The following ENO2 variants were observed in gnomAD, a reference collection of about 807,000 sequenced individuals.
ENO2 encodes enolase 2.
A neutral mutation model predicts 48.7 loss-of-function variants in ENO2; 19 were observed. That is an observed-to-expected ratio of 0.39 (90% CI 0.27 to 0.57). The LOEUF (loss-of-function observed/expected upper bound fraction) is 0.57. Ranked by LOEUF, ENO2 falls within the 20% of genes least tolerant of loss-of-function variation. The pLI is 0.58. For missense variants in ENO2, 416 were observed against 555.0 expected (o/e 0.75, Z 2.52); for synonymous variants, 198 against 213.4 (o/e 0.93, Z 0.63).
In ENO2 at chr12:6,916,976, G is replaced by C; in HGVS notation, c.241-62G>C. On this transcript the variant is annotated intron_variant, in intron 4 of 11. Coordinates refer to ENST00000229277, the MANE Select transcript of ENO2 (RefSeq NM_001975.3). The surrounding 1 kb of genome is among the most constrained non-coding windows in gnomAD (Gnocchi z 4.5). ...ATGTGAGCTTGGGTGTGAATGAGGG[G>C]ACCCTCTGCCTTAGGGCTCAGCCTC... 1 of 1,605,888 alleles carries C rather than the reference G, an allele frequency of 6.2e-7. No individual in the cohort carries two copies. Among genetic ancestry groups the C allele is most frequent in the Non-Finnish European group, 8.5e-7 (1 of 1,173,938 alleles).
Position 6,921,862 on chromosome 12 carries a change from C to A in ENO2, c.1067+80C>A. 1.9e-6 allele frequency: 3 copies of A among 1,567,082 alleles called. No homozygotes were observed. The Admixed American group carries it at 5.5e-5, about 29-fold the overall frequency. ...TGCAAGTGCTCCAGCCTAATTCTAC[C>A]CAGGGGTGCCAAAGAGAGCGGGGAA... On this transcript the variant is annotated intron_variant, in intron 9 of 11. Transcript: ENST00000229277.
intron 2 of ENO2, 29 bp downstream of exon 2, chr12:6,915,946 A>C: frequency 1.9e-6 from 3 of 1,611,630 alleles, no homozygotes; most frequent in Non-Finnish European, 2.5e-6. Flanking sequence ...GCCTTCCTAC[A>C]GCCCTAGCTT....
rs1555141939 is a variant in ENO2, at chr12:6,919,710, T to C, written c.812T>C (p.Ile271Thr). The change falls in exon 8 of 12, where the codon ATC becomes ACC. Residue 271 changes from isoleucine to threonine, a missense_variant. Ile to Thr is a moderately conservative substitution (Grantham distance 89). Coordinates refer to ENST00000229277, the MANE Select transcript of ENO2 (RefSeq NM_001975.3). ...FKSPTDPSRY[I>T]TGDQLGALYQ... ...TCTCCCACTGATCCTTCCCGATACA[T>C]CACTGGGGACCAGCTGGGGGCACTC... is the stretch of plus-strand genomic sequence containing the variant. The C allele has an allele frequency of 5.0e-6, 8 of 1,613,936 alleles. No homozygotes were observed. The highest frequency in any genetic ancestry group is 6.8e-6 in the Non-Finnish European group (8 of 1,180,028).
chr12:6,921,232 A>G (rs1591653835), intron 8 of ENO2, among the ~76,000 whole-genome samples: 1 of 152,288 alleles, frequency 6.6e-6, no homozygotes, highest in East Asian at 1.9e-4. Flanking sequence ...CATCTCTACA[A>G]AAATTTTAAA....
In ENO2 at chr12:6,922,103, G is replaced by A. The variant is rs1367609148; in HGVS notation, c.1115G>A (p.Arg372His). ...GGCTGGGGGGTCATGGTGAGTCATC[G>A]CTCAGGAGAGACTGAGGACACATTC... ...ENGWGVMVSH[R>H]SGETEDTFIA... The change falls in exon 10 of 12, where the codon CGC becomes CAC. Residue 372 changes from arginine (R) to histidine (H), a missense_variant. Arg to His is a conservative substitution (Grantham distance 29). Coordinates refer to ENST00000229277, the MANE Select transcript of ENO2 (RefSeq NM_001975.3). This position sits in a 1 kb window ranked among gnomAD's most constrained non-coding sequence, Gnocchi z 5.3. 3 of 1,614,124 alleles carry A rather than the reference G, an allele frequency of 1.9e-6. No individual in the cohort carries two copies. The highest frequency in any genetic ancestry group is 2.5e-6 in the Non-Finnish European group (3 of 1,180,020).
At chr12:6,919,838 G>A (rs1488329203) in intron 8 of ENO2, 75 bp downstream of exon 8, 2 of 1,529,686 alleles carry the variant, frequency 1.3e-6, no homozygotes, top group Non-Finnish European at 1.8e-6. Context: ...ACCTTATGGG[G>A]TGCTGACTCA....
At chr12:6,917,164 A>G (rs1945299352) in intron 5 of ENO2, 57 bp downstream of exon 5, 2 of 1,604,952 alleles carry the variant, frequency 1.2e-6, no homozygotes, top group East Asian at 2.2e-5. Context: ...CGTGGAGCAG[A>G]TAGAGAGCTG....
In ENO2 at chr12:6,916,296, T is replaced by C; in HGVS notation, c.86-121T>C. On this transcript the variant is annotated intron_variant, in intron 2 of 11. Coordinates refer to ENST00000229277, the MANE Select transcript of ENO2 (RefSeq NM_001975.3). The surrounding 1 kb of genome is among the most constrained non-coding windows in gnomAD (Gnocchi z 4.5). Reference sequence around the variant, plus strand: ...GTGTGGGGTGGGGGTGGGGGGATGTTAGGGAGCAGTGTGGGGAGAGAGCTA... The same window carrying C: ...GTGTGGGGTGGGGGTGGGGGGATGTCAGGGAGCAGTGTGGGGAGAGAGCTA... The C allele has an allele frequency of 4.8e-6, 4 of 832,136 alleles. No homozygotes were observed. Among genetic ancestry groups the C allele is most frequent in the Non-Finnish European group, 7.3e-6 (4 of 547,262 alleles). 51.5% of individuals were successfully genotyped at this position (832,136 alleles called of 1,614,324 possible).
rs781786493 is a variant in ENO2 at position 6,918,043 on chromosome 12, G to A, written c.548G>A (p.Arg183Gln). The A allele has an allele frequency of 5.0e-6, 8 of 1,614,118 alleles. No homozygotes were observed. The highest frequency in any genetic ancestry group is 3.3e-4 in the Middle Eastern group (2 of 6,062). Residue 183 changes from arginine to glutamine, a missense_variant, in exon 7 of 12, where the codon CGA becomes CAA. By Grantham distance (43) the Arg-to-Gln change is conservative. Transcript: ENST00000229277. ...GCTGAGAGCTTTCGGGATGCCATGCGACTAGGTGCAGAGGTCTACCATACA... is the reference window on the plus strand; with the variant it reads ...GCTGAGAGCTTTCGGGATGCCATGCAACTAGGTGCAGAGGTCTACCATACA... ...VGAESFRDAM[R>Q]LGAEVYHTLK...
Position 6,922,704 on chromosome 12 carries a change from A to G in ENO2, c.1236-27A>G. On this transcript the variant is annotated intron_variant, in intron 11 of 11. Transcript: ENST00000229277. This position sits in a 1 kb window ranked among gnomAD's most constrained non-coding sequence, Gnocchi z 5.3. ...GCAGGATCCTCCTGCATCCCTGACC[A>G]CTTCCTTTGTGGTTCATCTCTCTCA... The G allele has an allele frequency of 1.2e-6, 2 of 1,613,744 alleles. No individual in the cohort carries two copies. Among genetic ancestry groups the G allele is most frequent in the African/African-American group, 1.3e-5 (1 of 74,972 alleles).
rs370454404 is a variant in ENO2 at position 6,916,454 on chromosome 12, G to A, written c.123G>A (p.Thr41=). ...CTGCAGTGCCCAGTGGAGCCTCTAC[G>A]GGCATCTATGAGGCCCTGGAGCTGA... ...FRAAVPSGAS[T]GIYEALELRD... is the part of the protein sequence containing the mutation. The change falls in exon 3 of 12, where the codon ACG becomes ACA. Residue 41 remains threonine, a synonymous_variant. Coordinates refer to ENST00000229277, the MANE Select transcript of ENO2 (RefSeq NM_001975.3). This position sits in a 1 kb window ranked among gnomAD's most constrained non-coding sequence, Gnocchi z 4.5. 31 of 1,613,878 alleles carry A rather than the reference G, an allele frequency of 1.9e-5. No individual in the cohort carries two copies. The highest frequency in any genetic ancestry group is 4.0e-5 in the African/African-American group (3 of 74,892).
intron 1 of ENO2, 107 bp from the exon 2 acceptor site, chr12:6,915,714 A>G (rs1555141507): frequency 9.4e-6 from 2 of 213,894 alleles, no homozygotes; most frequent in South Asian, 4.8e-5. Flanking sequence ...CACCCACTGC[A>G]GTAACCTCTT....
In ENO2 at chr12:6,922,366, G is replaced by T; in HGVS notation, c.1199G>T (p.Arg400Leu). ...CAGATCAAGACTGGTGCCCCGTGCC[G>T]TTCTGAACGTCTGGCTAAATACAAC... Reference protein sequence around the residue: ...TGQIKTGAPCRSERLAKYNQL... With the variant: ...TGQIKTGAPCLSERLAKYNQL... The change falls in exon 11 of 12, where the codon CGT (arginine) becomes CTT (leucine). Residue 400 changes from arginine to leucine, a missense_variant. Transcript: ENST00000229277. This position sits in a 1 kb window ranked among gnomAD's most constrained non-coding sequence, Gnocchi z 5.3. 1 of 1,614,198 alleles carries T rather than the reference G, an allele frequency of 6.2e-7. No individual in the cohort carries two copies. The highest frequency in any genetic ancestry group is 1.1e-5 in the South Asian group (1 of 91,080).
chr12:6,915,343 G>T (rs1555141458), intron 1 of ENO2: 1 of 176,662 alleles, frequency 5.7e-6, no homozygotes, highest in African/African-American at 2.3e-5. Context: ...CTTGGGGAAG[G>T]GGCAGTGTTC....
At chr12:6,919,909 C>T in intron 8 of ENO2, 146 bp downstream of exon 8, 1 of 770,080 alleles carries the variant, frequency 1.3e-6, no homozygotes. Flanking sequence ...GCAGGAGCCA[C>T]CTGCAAAGAC....
At chr12:6,915,693 T>TC in intron 1 of ENO2, 128 bp from the exon 2 acceptor site, 1 of 342,196 alleles carries the variant, frequency 2.9e-6, no homozygotes, top group Non-Finnish European at 5.8e-6. Context: ...AGCGCCTCCC[T>TC]ACCCACCCCC....
chr12:6,915,253 A>C (rs1171584092), intron 1 of ENO2: 3 of 156,378 alleles, frequency 1.9e-5, no homozygotes, highest in Non-Finnish European at 4.3e-5. Context: ...GGCCTTTCTC[A>C]GGACCCTCTT....
chr12:6,916,596 A>G lies in ENO2; in HGVS notation c.182-75A>G. ...CACCAGTCCCCAGTCCTCCTCTAGC[A>G]TGGCTTCCCCTCCTCCCATTGATCC... On this transcript the variant is annotated intron_variant, in intron 3 of 11. Transcript: ENST00000229277. This position sits in a 1 kb window ranked among gnomAD's most constrained non-coding sequence, Gnocchi z 4.5. The G allele has an allele frequency of 1.9e-6, 3 of 1,611,146 alleles. No individual in the cohort carries two copies. The highest frequency in any genetic ancestry group is 2.2e-5 in the South Asian group (2 of 90,912).
chr12:6,922,058 G>A lies in ENO2; in HGVS notation c.1070G>A (p.Cys357Tyr). ...IGSVTEAIQACKLAQENGWGV... is the reference protein window; with the variant it reads ...IGSVTEAIQAYKLAQENGWGV... Reference sequence around the variant, plus strand: ...ATCAGTGCTGTGTGTGGATACAGGTGCAAGCTGGCCCAGGAGAATGGCTGG... The same window carrying A: ...ATCAGTGCTGTGTGTGGATACAGGTACAAGCTGGCCCAGGAGAATGGCTGG... Residue 357 changes from cysteine (C) to tyrosine (Y), a missense_variant and splice_region_variant, in exon 10 of 12, where the codon TGC (cysteine) becomes TAC (tyrosine). Transcript: ENST00000229277. This position sits in a 1 kb window ranked among gnomAD's most constrained non-coding sequence, Gnocchi z 5.3. The A allele has an allele frequency of 1.9e-6, 3 of 1,614,198 alleles. No homozygotes were observed. The highest frequency in any genetic ancestry group is 2.5e-6 in the Non-Finnish European group (3 of 1,180,030).
Sources: allele counts gnomAD v4.1 joint callset (sites outside exome capture counted in the v4.1 genomes callset), GRCh38; gene constraint gnomAD v4.1.1; non-coding constraint Gnocchi (gnomAD v3.1); transcripts MANE v1.5; gene names NCBI Gene and HGNC (gene_info 2026-07-23, HGNC 2026-07-21).